Variants in NAP1L4 observed in about 807,000 individuals in gnomAD.
NAP1L4 encodes the protein nucleosome assembly protein 1-like 4.
Under a neutral mutation model 58.2 loss-of-function variants are expected in NAP1L4, and 15 were observed. That is an observed-to-expected ratio of 0.26 (90% CI 0.17 to 0.40). NAP1L4 has a LOEUF of 0.40. Ranked by LOEUF, NAP1L4 falls within the 10% of genes least tolerant of loss-of-function variation. The pLI is 1.00. For synonymous variants in NAP1L4, 171 were observed against 155.6 expected, an observed-to-expected ratio of 1.10 and a Z score of -0.74; for missense variants, 384 against 451.1, an observed-to-expected ratio of 0.85 and a Z score of 1.35.
rs1404698959 is a variant in NAP1L4, at chr11:2,954,529, T to G, written c.1033A>C (p.Asn345His). Reference sequence around the variant, plus strand: ...CCCCCCTTCCCCGAGCCTCATACATTGTCATCATCTTCTATGGCCTCCCCA... The same window carrying G: ...CCCCCCTTCCCCGAGCCTCATACATGGTCATCATCTTCTATGGCCTCCCCA... ...FTGEAIEDDD[N>H]FEEGEEGEEE... Residue 345 changes from asparagine to histidine, a missense_variant and splice_region_variant, in exon 12 of 16, where the codon AAT becomes CAT. Transcript: ENST00000380542. This position sits in a 1 kb window ranked among gnomAD's most constrained non-coding sequence, Gnocchi z 4.8. The G allele has an allele frequency of 2.5e-6, 4 of 1,614,004 alleles. No individual in the cohort carries two copies. Among genetic ancestry groups the G allele is most frequent in the African/African-American group, 1.3e-5 (1 of 74,902 alleles).
In NAP1L4 at chr11:2,983,035, A is replaced by T. The variant is rs7102353; in HGVS notation, c.-17-3798T>A. Among the ~76,000 whole-genome samples the T allele has an allele frequency of 5.5e-3, 839 of 152,208 alleles. 5 individuals are homozygous for T. The highest frequency in any genetic ancestry group is 0.019 in the African/African-American group (784 of 41,516). On this transcript the variant is annotated intron_variant, in intron 1 of 15. Transcript: ENST00000380542. ...ACTCCATCTCAAAAAAAAACAAAAAACAAAAAACCTGTTGCTGCTATTGGA... is the reference window on the plus strand; with the variant it reads ...ACTCCATCTCAAAAAAAAACAAAAATCAAAAAACCTGTTGCTGCTATTGGA...
chr11:2,990,530 G>C (rs1267018960), intron 1 of NAP1L4: 1 of 152,216 alleles, frequency 6.6e-6, no homozygotes, highest in African/African-American at 2.4e-5. Flanking sequence ...TGGAATAAGA[G>C]AATTTTGAGA....
At chr11:2,984,835 T>C (rs988296724) in intron 1 of NAP1L4, among the ~76,000 whole-genome samples, 3 of 151,510 alleles carry the variant, frequency 2.0e-5, no homozygotes, top group Non-Finnish European at 2.9e-5. Context: ...GTAACTGCCA[T>C]GCATATAGAC....
chr11:2,963,098 C>CAA (rs55650724), intron 8 of NAP1L4, among the ~76,000 whole-genome samples: 12 of 97,046 alleles, frequency 1.2e-4, no homozygotes, highest in East Asian at 3.2e-4. Flanking sequence ...GACTCGGTCT[C>CAA]AAAAAAAAAA....
intron 1 of NAP1L4, chr11:2,990,103 T>G (rs1315982539): frequency 3.3e-5 from 5 of 150,838 alleles, no homozygotes; most frequent in Middle Eastern, 6.8e-3. Context: ...ATTTAAAGCT[T>G]ACACAACAAA....
rs1846439881 is a variant in NAP1L4 at position 2,954,857 on chromosome 11, G to A, written c.916-211C>T. The A allele has an allele frequency of 1.6e-6, 1 of 613,050 alleles. No homozygotes were observed. The highest frequency in any genetic ancestry group is 2.0e-5 in the South Asian group (1 of 51,086). The allele number at this position is 613,050 out of a possible 1,614,324, so 38.0% of individuals were successfully genotyped here. On this transcript the variant is annotated intron_variant, in intron 11 of 15. Coordinates refer to ENST00000380542, the MANE Select transcript of NAP1L4 (RefSeq NM_005969.4). This position sits in a 1 kb window ranked among gnomAD's most constrained non-coding sequence, Gnocchi z 4.8. ...AGAGCTACTGAAGCAAAATGGCAGA[G>A]AAAGTGGGAAGTGAGGGCCCTACAG... is the stretch of plus-strand genomic sequence containing the variant.
Position 2,949,403 on chromosome 11 carries a change from A to G in NAP1L4, c.1123-139T>C, listed in dbSNP as rs1332820566. 2.8e-6 allele frequency: 2 copies of G among 705,646 alleles called. No homozygotes were observed. The highest frequency in any genetic ancestry group is 5.3e-5 in the East Asian group (2 of 38,074). The allele number at this position is 705,646 out of a possible 1,614,324, so 43.7% of individuals were successfully genotyped here. A position where few individuals can be genotyped will look rare whatever the true frequency, so the allele number is the denominator to read the frequency against. ...ACTGAACTCGGGGTGAACAACTTCA[A>G]CACTAGATCATACTTTCAAAATGGG... On this transcript the variant is annotated intron_variant, in intron 14 of 15. Coordinates refer to ENST00000380542, the MANE Select transcript of NAP1L4 (RefSeq NM_005969.4). The surrounding 1 kb of genome is among the most constrained non-coding windows in gnomAD (Gnocchi z 4.0).
At chr11:2,980,253 TC>T (rs1848226553) in intron 1 of NAP1L4, among the ~76,000 whole-genome samples, 1 of 152,224 alleles carries the variant, frequency 6.6e-6, no homozygotes, top group Non-Finnish European at 1.5e-5. Flanking sequence ...AGTGATGCAA[TC>T]CTGGCTCACT....
chr11:2,952,169 A>C, intron 12 of NAP1L4: 1 of 323,444 alleles, frequency 3.1e-6, no homozygotes, highest in Non-Finnish European at 5.8e-6. Flanking sequence ...TTTTCCTTAA[A>C]TTTTCTACAA....
Position 2,951,410 on chromosome 11 carries a change from G to T in NAP1L4, c.1066-95C>A, listed in dbSNP as rs1281059312. On this transcript the variant is annotated intron_variant, in intron 13 of 15. Coordinates refer to ENST00000380542, the MANE Select transcript of NAP1L4 (RefSeq NM_005969.4). The surrounding 1 kb of genome is among the most constrained non-coding windows in gnomAD (Gnocchi z 4.0). Reference sequence around the variant, plus strand: ...ACACAAGGAGCAAAACACTGCCTTAGATGGAAATCAATTACTGCTACCCAC... The same window carrying T: ...ACACAAGGAGCAAAACACTGCCTTATATGGAAATCAATTACTGCTACCCAC... 9.7e-7 allele frequency: 1 copy of T among 1,035,338 alleles called. No homozygotes were observed. Among genetic ancestry groups the T allele is most frequent in the Non-Finnish European group, 1.5e-6 (1 of 662,888 alleles). 64.1% of individuals were successfully genotyped at this position (1,035,338 alleles called of 1,614,324 possible). A position where few individuals can be genotyped will look rare whatever the true frequency, so the allele number is the denominator to read the frequency against.
intron 3 of NAP1L4, among the ~76,000 whole-genome samples, chr11:2,977,544 G>C (rs1031580358): frequency 2.0e-5 from 3 of 152,150 alleles, no homozygotes; most frequent in African/African-American, 7.2e-5. Context: ...GATGACTCTA[G>C]AACAAAACAA....
At position 2,951,651 on chromosome 11, in the gene NAP1L4, C is replaced by G. The variant is rs1009882191; in HGVS notation, c.1065+129G>C. The G allele has an allele frequency of 2.3e-6, 2 of 882,528 alleles. No homozygotes were observed. Among genetic ancestry groups the G allele is most frequent in the African/African-American group, 3.3e-5 (2 of 59,870 alleles). The allele number at this position is 882,528 out of a possible 1,614,324, so 54.7% of individuals were successfully genotyped here. A position where few individuals can be genotyped will look rare whatever the true frequency, so the allele number is the denominator to read the frequency against. ...TTCTGCTTAGTGTTTTAAGAACATT[C>G]TTAGAATCAAAGACAGCGTCACAAA... On this transcript the variant is annotated intron_variant, in intron 13 of 15. Coordinates refer to ENST00000380542, the MANE Select transcript of NAP1L4 (RefSeq NM_005969.4). This position sits in a 1 kb window ranked among gnomAD's most constrained non-coding sequence, Gnocchi z 4.0.
chr11:2,974,697 A>G (rs186672442), intron 4 of NAP1L4, among the ~76,000 whole-genome samples: 3 of 152,316 alleles, frequency 2.0e-5, no homozygotes, highest in African/African-American at 7.2e-5. Flanking sequence ...GGAGCTGGAG[A>G]TCAGCCTGGC....
At chr11:2,970,608 G>A (rs1564983814) in intron 6 of NAP1L4, among the ~76,000 whole-genome samples, 2 of 152,072 alleles carry the variant, frequency 1.3e-5, no homozygotes. Flanking sequence ...GACCAAGGGA[G>A]GTGAAACGCA....
In NAP1L4 at chr11:2,954,848, A is replaced by C. The variant is rs1712790206; in HGVS notation, c.916-202T>G. 3 of 630,136 alleles carry C rather than the reference A, an allele frequency of 4.8e-6. No individual in the cohort carries two copies. Among genetic ancestry groups the C allele is most frequent in the Non-Finnish European group, 8.2e-6 (3 of 364,672 alleles). 39.0% of individuals were successfully genotyped at this position (630,136 alleles called of 1,614,324 possible). A position where few individuals can be genotyped will look rare whatever the true frequency, so the allele number is the denominator to read the frequency against. On this transcript the variant is annotated intron_variant, in intron 11 of 15. Coordinates refer to ENST00000380542, the MANE Select transcript of NAP1L4 (RefSeq NM_005969.4). The surrounding 1 kb of genome is among the most constrained non-coding windows in gnomAD (Gnocchi z 4.8). ...TAGCTTTAAAGAGCTACTGAAGCAAAATGGCAGAGAAAGTGGGAAGTGAGG... is the reference window on the plus strand; with the variant it reads ...TAGCTTTAAAGAGCTACTGAAGCAACATGGCAGAGAAAGTGGGAAGTGAGG...
rs190684184 is a variant in NAP1L4 at position 2,962,657 on chromosome 11, G to C, written c.606+2023C>G. Among the ~76,000 whole-genome samples the C allele has an allele frequency of 5.8e-3, 885 of 151,680 alleles. 4 individuals are homozygous for C. The highest frequency in any genetic ancestry group is 6.5e-3 in the Non-Finnish European group (442 of 67,918). Reference sequence around the variant, plus strand: ...TTTTCTACATATGACTTTTATAATAGGGAAGTAAAAAGAAAAAAAAAAATT... The same window carrying C: ...TTTTCTACATATGACTTTTATAATACGGAAGTAAAAAGAAAAAAAAAAATT... On this transcript the variant is annotated intron_variant, in intron 8 of 15. Transcript: ENST00000380542.
At chr11:2,964,148 A>T (rs1840350299) in intron 8 of NAP1L4, among the ~76,000 whole-genome samples, 2 of 152,266 alleles carry the variant, frequency 1.3e-5, no homozygotes, top group African/African-American at 4.8e-5. Flanking sequence ...GGTAAAACCT[A>T]GTAGGTTCAG....
rs567174264 is a variant in NAP1L4 at position 2,972,423 on chromosome 11, G to A, written c.174-180C>T. On this transcript the variant is annotated intron_variant, in intron 4 of 15. Coordinates refer to ENST00000380542, the MANE Select transcript of NAP1L4 (RefSeq NM_005969.4). ...CAGGAAAAAAAGGATACAGGAGGAA[G>A]CAGAAAAAATAATTCACAAAAGAAA... is the stretch of plus-strand genomic sequence containing the variant. The A allele has an allele frequency of 3.3e-5, 14 of 429,722 alleles. No individual in the cohort carries two copies. The Admixed American group carries it at 5.3e-4, about 16-fold the overall frequency. The allele number at this position is 429,722 out of a possible 1,614,324, so 26.6% of individuals were successfully genotyped here.
chr11:2,945,506 G>A lies in NAP1L4; in HGVS notation c.*173C>T. On this transcript the variant is annotated 3_prime_UTR_variant, in exon 16 of 16. Transcript: ENST00000380542. ...CATGCACTTGAAAACGAGTTAGATGGAGTAAGCTCTGTCCACGGGATTGTG... is the reference window on the plus strand; with the variant it reads ...CATGCACTTGAAAACGAGTTAGATGAAGTAAGCTCTGTCCACGGGATTGTG... 1 of 982,914 alleles carries A rather than the reference G, an allele frequency of 1.0e-6. No homozygotes were observed. Among genetic ancestry groups the A allele is most frequent in the East Asian group, 2.8e-5 (1 of 36,308 alleles). The allele number at this position is 982,914 out of a possible 1,614,324, so 60.9% of individuals were successfully genotyped here. A position where few individuals can be genotyped will look rare whatever the true frequency, so the allele number is the denominator to read the frequency against.
Sources: gnomAD v4.1 joint callset for allele counts (sites outside exome capture counted in the v4.1 genomes callset) on GRCh38, gnomAD v4.1.1 for gene constraint, Gnocchi (gnomAD v3.1) non-coding constraint, MANE v1.5 for transcripts, NCBI Gene and HGNC (gene_info 2026-07-23, HGNC 2026-07-21) for gene names.